The following AP2A2 variants were observed in gnomAD, a reference collection of about 807,000 sequenced individuals.
The protein encoded by AP2A2 is adaptor related protein complex 2 subunit alpha 2, also known as AP-2 complex subunit alpha-2.
AP2A2 carries 32 observed loss-of-function variants against 104.2 expected under a neutral mutation model. That is an observed-to-expected ratio of 0.31 (90% confidence interval 0.23 to 0.41). The LOEUF is 0.41. Among genes scored for constraint, AP2A2 ranks in the 10% least tolerant of loss-of-function variants. The pLI is 1.00. For synonymous variants in AP2A2, 539 were observed against 533.3 expected, an observed-to-expected ratio of 1.01 and a Z score of -0.15; for missense variants, 912 against 1,261.0, an observed-to-expected ratio of 0.72 and a Z score of 4.19.
chr11:1,003,392 CA>C (rs1232429825), intron 15 of AP2A2, among the ~76,000 whole-genome samples: 3 of 152,232 alleles, frequency 2.0e-5, no homozygotes, highest in African/African-American at 7.2e-5. Context: ...GTGGTGGGGC[CA>C]GAAGCTGTGT....
chr11:951,379 T>C (rs1589958482), intron 1 of AP2A2, among the ~76,000 whole-genome samples: 1 of 151,968 alleles, frequency 6.6e-6, no homozygotes, highest in East Asian at 1.9e-4. Flanking sequence ...ATACAAAAAT[T>C]AGCTGGGCGT....
At chr11:988,813 C>G (rs1032760928) in intron 10 of AP2A2, 124 bp downstream of exon 10, 1 of 1,249,418 alleles carries the variant, frequency 8.0e-7, no homozygotes, top group African/African-American at 1.5e-5. Flanking sequence ...ATGCTGAATA[C>G]AAGGCTCCTC....
intron 1 of AP2A2, among the ~76,000 whole-genome samples, chr11:958,511 A>G (rs1021627484): frequency 1.3e-5 from 2 of 152,224 alleles, no homozygotes; most frequent in Non-Finnish European, 2.9e-5. Context: ...GGGGATGGAT[A>G]AGCCAAAAAG....
chr11:936,164 C>T (rs1853453349), intron 1 of AP2A2, among the ~76,000 whole-genome samples: 1 of 150,332 alleles, frequency 6.7e-6, no homozygotes, highest in Non-Finnish European at 1.5e-5. Context: ...GCCTCGGCCT[C>T]CCAAAGTGCT....
intron 6 of AP2A2, among the ~76,000 whole-genome samples, chr11:984,251 C>CG (rs1217549888): frequency 1.3e-5 from 2 of 151,812 alleles, no homozygotes; most frequent in African/African-American, 2.4e-5. Context: ...GGCCTGTGGT[C>CG]GGGGGGCCCT....
chr11:929,819 T>TC (rs1270558289), intron 1 of AP2A2, among the ~76,000 whole-genome samples: 2 of 151,600 alleles, frequency 1.3e-5, no homozygotes, highest in Non-Finnish European at 2.9e-5. Flanking sequence ...AAAAAGTTTT[T>TC]CCCCTCCAAG....
chr11:994,801 CGG>C (rs1417878462), intron 14 of AP2A2, among the ~76,000 whole-genome samples: 1 of 141,318 alleles, frequency 7.1e-6, no homozygotes, highest in African/African-American at 2.7e-5. Context: ...TGGCCTGTCC[CGG>C]GGGCCACTGT....
intron 9 of AP2A2, among the ~76,000 whole-genome samples, chr11:987,612 G>A (rs951748063): frequency 1.3e-5 from 2 of 151,692 alleles, no homozygotes; most frequent in African/African-American, 2.4e-5. Flanking sequence ...CCGAGATCGC[G>A]CCACTGCACT....
chr11:973,059 T>C (rs1854888836), intron 4 of AP2A2, among the ~76,000 whole-genome samples: 1 of 152,208 alleles, frequency 6.6e-6, no homozygotes, highest in Admixed American at 6.5e-5. Flanking sequence ...TGTTCCAGGA[T>C]ACCCTGCGGA....
intron 1 of AP2A2, among the ~76,000 whole-genome samples, chr11:928,857 C>A (rs1853202198): frequency 6.6e-6 from 1 of 152,192 alleles, no homozygotes; most frequent in South Asian, 2.1e-4. Flanking sequence ...CATTCTCCTC[C>A]TGGGCAGTGT....
chr11:988,623 C>A lies in AP2A2; in HGVS notation c.1203C>A (p.Ala401=), dbSNP rs1269066352. Residue 401 remains alanine (A), a synonymous_variant, in exon 10 of 22, where the codon GCC becomes GCA. Coordinates refer to ENST00000448903, the MANE Select transcript of AP2A2 (RefSeq NM_012305.4). ...LLYAMCDRSN[A]PQIVAEMLSY... is the part of the protein sequence containing the mutation. ...ACGCCATGTGCGACCGCAGCAACGCCCCACAGATCGTGGCCGAGATGCTGA... is the reference window on the plus strand; with the variant it reads ...ACGCCATGTGCGACCGCAGCAACGCACCACAGATCGTGGCCGAGATGCTGA... The A allele has an allele frequency of 1.2e-6, 2 of 1,613,644 alleles. No homozygotes were observed. The highest frequency in any genetic ancestry group is 1.7e-6 in the Non-Finnish European group (2 of 1,179,890).
rs749816068 is a variant in AP2A2 at position 988,570 on chromosome 11, G to A, written c.1150G>A (p.Val384Met). 4 of 1,612,134 alleles carry A rather than the reference G, an allele frequency of 2.5e-6. No individual in the cohort carries two copies. The highest frequency in any genetic ancestry group is 2.2e-5 in the South Asian group (2 of 91,078). Residue 384 changes from valine (V) to methionine (M), a missense_variant, in exon 10 of 22, where the codon GTG (valine) becomes ATG (methionine). Around this residue, in one of 7 missense-constraint regions of AP2A2, gnomAD observed 350 missense variants for 487.0 expected, o/e 0.72. Coordinates refer to ENST00000448903, the MANE Select transcript of AP2A2 (RefSeq NM_012305.4). ...TCCCCAGACTGAGCGGGACGTGAGC[G>A]TGCGGCAGCGGGCCGTGGACCTCCT... ...NALKTERDVS[V>M]RQRAVDLLYA... is the part of the protein sequence containing the mutation.
intron 15 of AP2A2, among the ~76,000 whole-genome samples, chr11:1,002,413 C>A (rs1217965671): frequency 2.0e-5 from 3 of 152,268 alleles, no homozygotes; most frequent in Non-Finnish European, 4.4e-5. Flanking sequence ...TTGTGGATCG[C>A]TGTCCTGTGT....
At position 1,008,026 on chromosome 11, in the gene AP2A2, A is replaced by G. The variant is rs1261812474; in HGVS notation, c.2311A>G (p.Thr771Ala). 1 of 1,560,482 alleles carries G rather than the reference A, an allele frequency of 6.4e-7. No individual in the cohort carries two copies. The highest frequency in any genetic ancestry group is 2.4e-5 in the East Asian group (1 of 41,588). Reference sequence around the variant, plus strand: ...AACGCACGCACACCTGAACCTGCAGACCAAGCCCGTGGACCCGACCGTGGA... The same window carrying G: ...AACGCACGCACACCTGAACCTGCAGGCCAAGCCCGTGGACCCGACCGTGGA... Reference protein sequence around the residue: ...DDLQPNLNLQTKPVDPTVEGG... With the variant: ...DDLQPNLNLQAKPVDPTVEGG... Residue 771 changes from threonine to alanine, a missense_variant, in exon 18 of 22, where the codon ACC becomes GCC. By Grantham distance (58) the Thr-to-Ala change is moderately conservative. Coordinates refer to ENST00000448903, the MANE Select transcript of AP2A2 (RefSeq NM_012305.4).
intron 10 of AP2A2, among the ~76,000 whole-genome samples, chr11:989,411 C>G (rs1392254881): frequency 6.6e-6 from 1 of 152,164 alleles, no homozygotes; most frequent in Non-Finnish European, 1.5e-5. Context: ...CACTGTAGCC[C>G]CAGGTCTGAG....
At chr11:981,489 A>C (rs746993225) in intron 6 of AP2A2, 190 bp downstream of exon 6, 3 of 570,922 alleles carry the variant, frequency 5.3e-6, no homozygotes, top group Non-Finnish European at 9.3e-6. Context: ...CCCTGTTCCC[A>C]TGGTGTGAGT....
intron 1 of AP2A2, among the ~76,000 whole-genome samples, chr11:937,868 G>C (rs531338214): frequency 6.6e-6 from 1 of 152,150 alleles, no homozygotes; most frequent in Non-Finnish European, 1.5e-5. Flanking sequence ...AAACTGTGGC[G>C]TGGAGAGGTT....
chr11:930,120 CAAAAAAAAAA>C lies in AP2A2; in HGVS notation c.67+4046_67+4055del, dbSNP rs1157025547. On this transcript the variant is annotated intron_variant, in intron 1 of 21. Coordinates refer to ENST00000448903, the MANE Select transcript of AP2A2 (RefSeq NM_012305.4). The stretch of plus-strand genomic sequence containing the variant: ...TGGGTGACAGAGCGAGACTCTGTCT[CAAAAAAAAAA>C]AAAAAAAAAAAAAGCCCTGTGCCAA... Among the ~76,000 whole-genome samples, 3 of 51,998 alleles carry C rather than the reference CAAAAAAAAAA, an allele frequency of 5.8e-5. No individual in the cohort carries two copies. In the Admixed American group the frequency reaches 6.4e-4, roughly 11 times the overall value. 34.1% of individuals were successfully genotyped at this position (51,998 alleles called of 152,430 possible). A position where few individuals can be genotyped will look rare whatever the true frequency, so the allele number is the denominator to read the frequency against.
In AP2A2 at chr11:1,011,852, C is replaced by A; in HGVS notation, c.*1227C>A. 3.8e-6 allele frequency: 1 copy of A among 263,848 alleles called. No homozygotes were observed. Among genetic ancestry groups the A allele is most frequent in the South Asian group, 3.8e-5 (1 of 26,032 alleles). The allele number at this position is 263,848 out of a possible 1,614,324, so 16.3% of individuals were successfully genotyped here. On this transcript the variant is annotated 3_prime_UTR_variant, in exon 22 of 22. Coordinates refer to ENST00000448903, the MANE Select transcript of AP2A2 (RefSeq NM_012305.4). ...CATGGACCCATCAGGGTCTCCACAG[C>A]TCCCCTGCAGTGTGTGCACCCCACA...
Sources: gnomAD v4.1 joint callset for allele counts (sites outside exome capture counted in the v4.1 genomes callset) on GRCh38, gnomAD v4.1.1 for gene constraint, gnomAD v4.1.1 regional missense constraint, MANE v1.5 for transcripts, NCBI Gene and HGNC (gene_info 2026-07-23, HGNC 2026-07-21) for gene names.